CWF19L2: variants seen among roughly 807,000 people sequenced by gnomAD.
The protein encoded by CWF19L2 is CWF19 like cell cycle control factor 2.
A neutral mutation model predicts 111.7 loss-of-function variants in CWF19L2; 98 were observed. That is an observed-to-expected ratio of 0.88 (90% confidence interval 0.75 to 1.04). CWF19L2 has a LOEUF of 1.04. Among genes scored for constraint, CWF19L2 ranks in the 50% least tolerant of loss-of-function variants. The probability of loss-of-function intolerance (pLI) is 0.00; values close to 1 mark genes in which losing one functional copy is unlikely to be tolerated. For synonymous variants in CWF19L2, 351 were observed against 342.9 expected (o/e 1.02, Z -0.26); for missense variants, 1,101 against 1,051.4 (o/e 1.05, Z -0.65).
At chr11:107,387,051 T>TAAA (rs1860777362) in intron 12 of CWF19L2, among the ~76,000 whole-genome samples, 1 of 143,178 alleles carries the variant, frequency 7.0e-6, no homozygotes, top group African/African-American at 2.7e-5. Context: ...AGACCCCGTC[T>TAAA]CAAAAAAAAA....
intron 3 of CWF19L2, among the ~76,000 whole-genome samples, chr11:107,451,113 A>G (rs1277553205): frequency 6.6e-6 from 1 of 152,168 alleles, no homozygotes; most frequent in Non-Finnish European, 1.5e-5. Flanking sequence ...AATGTCTCAA[A>G]AACTTTTTAA....
At chr11:107,345,213 T>C (rs1412668911) in intron 14 of CWF19L2, among the ~76,000 whole-genome samples, 10 of 149,522 alleles carry the variant, frequency 6.7e-5, no homozygotes, top group Admixed American at 6.1e-4. Context: ...TATAAACTTT[T>C]ATTTATTAAG....
chr11:107,336,519 C>CA, intron 15 of CWF19L2, 39 bp downstream of exon 15: 1 of 1,500,770 alleles, frequency 6.7e-7, no homozygotes, highest in Non-Finnish European at 9.0e-7. Context: ...AGCACTATAG[C>CA]AAAAAATAAG....
rs768616841 is a variant in CWF19L2 at position 107,441,761 on chromosome 11, T to C, written c.451-139A>G. On this transcript the variant is annotated intron_variant, in intron 4 of 17. Transcript: ENST00000282251. ...ACCTGAAACAAGTCCTACATGGCTA[T>C]ATAACTTGAAGCAAGCTTCTAAATC... is the stretch of plus-strand genomic sequence containing the variant. The C allele has an allele frequency of 1.7e-4, 131 of 770,408 alleles. 1 individual carries two copies. Among genetic ancestry groups the C allele is most frequent in the Middle Eastern group, 4.0e-4 (1 of 2,478 alleles). The allele number at this position is 770,408 out of a possible 1,614,324, so 47.7% of individuals were successfully genotyped here.
chr11:107,452,696 G>A (rs1364502573), intron 3 of CWF19L2, among the ~76,000 whole-genome samples: 1 of 151,730 alleles, frequency 6.6e-6, no homozygotes, highest in Non-Finnish European at 1.5e-5. Context: ...AACTTCTAGG[G>A]AAAAAAAATA....
intron 10 of CWF19L2, chr11:107,403,778 G>A (rs1591185589): frequency 2.2e-6 from 2 of 892,632 alleles, no homozygotes; most frequent in Admixed American, 3.4e-5. Flanking sequence ...AATCTCAGCT[G>A]CAACTTTCTC....
At chr11:107,413,156 T>A (rs1249554814) in intron 10 of CWF19L2, among the ~76,000 whole-genome samples, 1 of 152,174 alleles carries the variant, frequency 6.6e-6, no homozygotes, top group Admixed American at 6.5e-5. Flanking sequence ...CGCAGGTTCA[T>A]CAATTGTAAC....
intron 10 of CWF19L2, chr11:107,403,274 G>A: frequency 2.4e-6 from 1 of 416,764 alleles, no homozygotes; most frequent in Non-Finnish European, 4.3e-6. Flanking sequence ...GTATTTATCT[G>A]CAAAAGACAC....
At chr11:107,415,207 C>G (rs748500764) in intron 10 of CWF19L2, among the ~76,000 whole-genome samples, 1 of 152,086 alleles carries the variant, frequency 6.6e-6, no homozygotes, top group African/African-American at 2.4e-5. Context: ...CATCTTTGGG[C>G]CTTTAAATCT....
At chr11:107,362,227 G>A (rs1013810454) in intron 12 of CWF19L2, among the ~76,000 whole-genome samples, 1 of 152,088 alleles carries the variant, frequency 6.6e-6, no homozygotes, top group African/African-American at 2.4e-5. Context: ...AAACTGCAAG[G>A]CGGCAGCGAG....
At chr11:107,448,596 G>A (rs1306199151) in intron 3 of CWF19L2, among the ~76,000 whole-genome samples, 2 of 152,058 alleles carry the variant, frequency 1.3e-5, no homozygotes, top group Non-Finnish European at 2.9e-5. Context: ...GCAGCACAAT[G>A]AACCTAAGGC....
intron 10 of CWF19L2, among the ~76,000 whole-genome samples, chr11:107,410,464 A>G (rs1416420287): frequency 1.3e-5 from 2 of 152,188 alleles, no homozygotes; most frequent in African/African-American, 2.4e-5. Flanking sequence ...GAAGATGAAA[A>G]TATGCCTTTC....
At position 107,348,997 on chromosome 11, in the gene CWF19L2, G is replaced by T; in HGVS notation, c.2142C>A (p.Val714=). Residue 714 remains valine, a synonymous_variant, in exon 14 of 18, where the codon GTC becomes GTA. Transcript: ENST00000282251. ...TAGCTGCTCTATGGTGCTGCAAAGG[G>T]ACTATCAGGCAGTGCCCCTCAGTAA... ...RSLTEGHCLI[V]PLQHHRAATL... The T allele has an allele frequency of 1.2e-6, 2 of 1,611,234 alleles. No homozygotes were observed. Among genetic ancestry groups the T allele is most frequent in the Non-Finnish European group, 1.7e-6 (2 of 1,178,156 alleles).
intron 14 of CWF19L2, among the ~76,000 whole-genome samples, chr11:107,339,520 C>T (rs776178645): frequency 6.6e-6 from 1 of 152,056 alleles, no homozygotes; most frequent in Non-Finnish European, 1.5e-5. Context: ...TTTTATTTGA[C>T]ATTTTGATAG....
At chr11:107,416,032 G>A (rs1171888725) in intron 10 of CWF19L2, among the ~76,000 whole-genome samples, 177 bp downstream of exon 10, 1 of 152,078 alleles carries the variant, frequency 6.6e-6, no homozygotes, top group East Asian at 1.9e-4. Context: ...GGGAGGCAGA[G>A]GTTGCAGTGA....
At position 107,362,235 on chromosome 11, in the gene CWF19L2, G is replaced by C. The variant is rs541702147; in HGVS notation, c.1873-8499C>G. On this transcript the variant is annotated intron_variant, in intron 12 of 17. Coordinates refer to ENST00000282251, the MANE Select transcript of CWF19L2 (RefSeq NM_152434.3). ...TGAGATCAAACTGCAAGGCGGCAGCGAGGCAGGGGGAAGGGGCGCCCGCCA... is the reference window on the plus strand; with the variant it reads ...TGAGATCAAACTGCAAGGCGGCAGCCAGGCAGGGGGAAGGGGCGCCCGCCA... Among the ~76,000 whole-genome samples, 442 of 151,988 alleles carry C rather than the reference G, an allele frequency of 2.9e-3. 3 individuals are homozygous for C. Among genetic ancestry groups the C allele is most frequent in the African/African-American group, 0.01 (420 of 41,464 alleles).
chr11:107,450,804 A>T (rs1861767608), intron 3 of CWF19L2, among the ~76,000 whole-genome samples: 1 of 152,200 alleles, frequency 6.6e-6, no homozygotes, highest in African/African-American at 2.4e-5. Flanking sequence ...AACAACAGTC[A>T]GTTCATCAAG....
intron 10 of CWF19L2, among the ~76,000 whole-genome samples, chr11:107,397,704 G>A (rs763688978): frequency 2.0e-5 from 3 of 152,160 alleles, no homozygotes; most frequent in Non-Finnish European, 4.4e-5. Flanking sequence ...CCTGGCAGGA[G>A]GCCAACCAGC....
rs567407875 is a variant in CWF19L2 at position 107,405,044 on chromosome 11, T to C, written c.1617+11165A>G. The stretch of plus-strand genomic sequence containing the variant: ...AACAACCTATGGGCCACAGGCCAAC[T>C]CCAGTCTTGTGCTTGTTTTTAGTCA... On this transcript the variant is annotated intron_variant, in intron 10 of 17. Coordinates refer to ENST00000282251, the MANE Select transcript of CWF19L2 (RefSeq NM_152434.3). Among the ~76,000 whole-genome samples, 16 of 152,356 alleles carry C rather than the reference T, an allele frequency of 1.1e-4. No homozygotes were observed. In the East Asian group the frequency reaches 2.9e-3, roughly 28 times the overall value.
Sources: gnomAD v4.1 joint callset for allele counts (sites outside exome capture counted in the v4.1 genomes callset) on GRCh38, gnomAD v4.1.1 for gene constraint, MANE v1.5 for transcripts, NCBI Gene and HGNC (gene_info 2026-07-23, HGNC 2026-07-21) for gene names.